SKAP1: variants seen among roughly 807,000 people sequenced by gnomAD.
SKAP1 encodes src kinase associated phosphoprotein 1, also known as src kinase-associated phosphoprotein 1.
SKAP1 carries 44 observed loss-of-function variants against 58.5 expected under a neutral mutation model. The observed-to-expected ratio is 0.75, with a 90% CI of 0.59 to 0.97. SKAP1 has a LOEUF of 0.97. Among genes scored for constraint, SKAP1 ranks in the 50% least tolerant of loss-of-function variants. SKAP1 has a pLI of 0.00. For missense variants in SKAP1, 390 were observed against 435.2 expected (o/e 0.90, Z 0.92); for synonymous variants, 127 against 149.7 (o/e 0.85, Z 1.11).
intron 9 of SKAP1, among the ~76,000 whole-genome samples, chr17:48,171,481 T>C (rs1310475627): frequency 6.6e-6 from 1 of 152,184 alleles, no homozygotes; most frequent in Non-Finnish European, 1.5e-5. Context: ...TTTCATTTAT[T>C]CATAAGCATG....
intron 4 of SKAP1, among the ~76,000 whole-genome samples, chr17:48,298,301 C>G (rs1265665674): frequency 6.6e-6 from 1 of 152,184 alleles, no homozygotes; most frequent in Non-Finnish European, 1.5e-5. Flanking sequence ...AACAACTAGT[C>G]AGAAGCTGCG....
the SKAP1 span, among the ~76,000 whole-genome samples, chr17:48,436,023 C>T: frequency 6.6e-6 from 1 of 152,080 alleles, no homozygotes; most frequent in Non-Finnish European, 1.5e-5. Context: ...TCTTTCCTTG[C>T]CTTCAGAATT....
At chr17:48,359,561 A>C (rs1344902962) in intron 3 of SKAP1, among the ~76,000 whole-genome samples, 1 of 152,060 alleles carries the variant, frequency 6.6e-6, no homozygotes, top group East Asian at 1.9e-4. Context: ...TTCCTTATTC[A>C]CTTAGCACTA....
chr17:48,321,607 T>C (rs747855064), intron 4 of SKAP1, among the ~76,000 whole-genome samples: 1 of 152,078 alleles, frequency 6.6e-6, no homozygotes, highest in Non-Finnish European at 1.5e-5. Flanking sequence ...CTCGATCTCC[T>C]GACCTTGTGA....
In SKAP1 at chr17:48,137,347, G is replaced by A. The variant is rs750208164; in HGVS notation, c.979-10C>T. ...CATACATGTTATACTCCTGAAAAGT[G>A]AAAAGAGGATAGCGTCAGTTAGAAT... On this transcript the variant is annotated splice_polypyrimidine_tract_variant and intron_variant, in intron 11 of 12. Coordinates refer to ENST00000336915, the MANE Select transcript of SKAP1 (RefSeq NM_003726.4). The A allele has an allele frequency of 1.4e-5, 22 of 1,577,226 alleles. 1 individual carries two copies. The South Asian group carries it at 2.4e-4, about 17-fold the overall frequency.
chr17:48,241,081 G>C (rs963785096), intron 4 of SKAP1, among the ~76,000 whole-genome samples: 1 of 151,996 alleles, frequency 6.6e-6, no homozygotes, highest in African/African-American at 2.4e-5. Flanking sequence ...ATATTAAAAA[G>C]ATATTTGTTG....
At chr17:48,208,109 T>C (rs535512913) in intron 4 of SKAP1, among the ~76,000 whole-genome samples, 61 of 152,334 alleles carry the variant, frequency 4.0e-4, no homozygotes, top group African/African-American at 1.4e-3. Flanking sequence ...AATTATACTT[T>C]AGATTGGGAG....
chr17:48,135,650 T>A (rs561988050), intron 12 of SKAP1, among the ~76,000 whole-genome samples: 10 of 152,022 alleles, frequency 6.6e-5, no homozygotes, highest in East Asian at 1.9e-4. Context: ...GCTAATTTTT[T>A]AAAAAAAATT....
chr17:48,346,577 T>C (rs1223251070), intron 3 of SKAP1, among the ~76,000 whole-genome samples: 1 of 151,724 alleles, frequency 6.6e-6, no homozygotes, highest in Non-Finnish European at 1.5e-5. Flanking sequence ...TGAGCCAAGA[T>C]TGCACCATTG....
At chr17:48,265,382 G>T (rs1486733298) in intron 4 of SKAP1, among the ~76,000 whole-genome samples, 1 of 152,048 alleles carries the variant, frequency 6.6e-6, no homozygotes, top group Non-Finnish European at 1.5e-5. Flanking sequence ...GCAGATGCCT[G>T]TAATCCCAGC....
chr17:48,141,080 C>G (rs1317574951), intron 11 of SKAP1, among the ~76,000 whole-genome samples: 1 of 152,126 alleles, frequency 6.6e-6, no homozygotes, highest in African/African-American at 2.4e-5. Flanking sequence ...AGCCACTTCG[C>G]CCAGCCCCAT....
intron 4 of SKAP1, among the ~76,000 whole-genome samples, chr17:48,335,098 AATTAGTATAAT>A (rs2066552080): frequency 6.6e-6 from 1 of 151,750 alleles, no homozygotes; most frequent in South Asian, 2.1e-4. Flanking sequence ...ACAATTCCTC[AATTAGTATAAT>A]ATTCAGTACT....
chr17:48,196,564 C>T lies in SKAP1; in HGVS notation c.281-7064G>A, dbSNP rs146236749. The T allele has an allele frequency of 1.2e-3, 176 of 152,274 alleles. 4 individuals carry two copies. Among genetic ancestry groups the T allele is most frequent in the African/African-American group, 3.8e-3 (156 of 41,534 alleles). 9.4% of individuals were successfully genotyped at this position (152,274 alleles called of 1,614,324 possible). ...ACCCTTGCTTCCCTCCCTACCTCCT[C>T]GTGCATTTACCCAGTGTCTACTGTT... On this transcript the variant is annotated intron_variant, in intron 4 of 12. Transcript: ENST00000336915.
intron 1 of SKAP1, among the ~76,000 whole-genome samples, chr17:48,400,109 T>C (rs1313624733): frequency 6.6e-6 from 1 of 151,252 alleles, no homozygotes; most frequent in African/African-American, 2.4e-5. Flanking sequence ...TTCTTTTTTT[T>C]TTTTTTTGAG....
At chr17:48,270,947 G>T (rs1449722661) in intron 4 of SKAP1, among the ~76,000 whole-genome samples, 1 of 151,706 alleles carries the variant, frequency 6.6e-6, no homozygotes, top group African/African-American at 2.4e-5. Flanking sequence ...GTTTAAGCGG[G>T]GGGAGGGGGT....
intron 8 of SKAP1, among the ~76,000 whole-genome samples, chr17:48,180,601 G>A (rs1247689601): frequency 1.3e-5 from 2 of 152,204 alleles, no homozygotes; most frequent in African/African-American, 4.8e-5. Flanking sequence ...AGCTTATCAC[G>A]TAGAAAACTG....
intron 4 of SKAP1, among the ~76,000 whole-genome samples, chr17:48,252,101 A>T (rs545593777): frequency 7.9e-5 from 12 of 152,174 alleles, no homozygotes; most frequent in Non-Finnish European, 1.5e-4. Flanking sequence ...AATTGTGATG[A>T]TTCTTTCTGA....
intron 11 of SKAP1, among the ~76,000 whole-genome samples, chr17:48,139,835 C>T (rs187338168): frequency 1.3e-5 from 2 of 152,268 alleles, no homozygotes; most frequent in East Asian, 3.9e-4. Context: ...GTATTGACAA[C>T]CATCTTTCTT....
chr17:48,147,885 G>A (rs2063850858), intron 11 of SKAP1, among the ~76,000 whole-genome samples: 1 of 151,188 alleles, frequency 6.6e-6, no homozygotes, highest in Non-Finnish European at 1.5e-5. Flanking sequence ...TGCTAATCTG[G>A]AGATTGATGG....
Sources: gnomAD v4.1 joint callset for allele counts (sites outside exome capture counted in the v4.1 genomes callset) on GRCh38, gnomAD v4.1.1 for gene constraint, MANE v1.5 for transcripts, NCBI Gene and HGNC (gene_info 2026-07-23, HGNC 2026-07-21) for gene names.